CAMK2B: variants seen among roughly 807,000 people sequenced by gnomAD.
CAMK2B encodes the protein calcium/calmodulin dependent protein kinase II beta.
Under a neutral mutation model 93.7 loss-of-function variants are expected in CAMK2B, and 27 were observed. The observed-to-expected ratio is 0.29, with a 90% CI of 0.21 to 0.40. CAMK2B has a LOEUF of 0.40. Among genes scored for constraint, CAMK2B ranks in the 10% least tolerant of loss-of-function variants. The pLI, the probability that CAMK2B is intolerant of heterozygous loss-of-function variation, is 1.00. For synonymous variants in CAMK2B, 374 were observed against 358.8 expected, an observed-to-expected ratio of 1.04 and a Z score of -0.48; for missense variants, 568 against 895.8, an observed-to-expected ratio of 0.63 and a Z score of 4.67.
intron 4 of CAMK2B, among the ~76,000 whole-genome samples, chr7:44,257,054 T>C (rs1239194550): frequency 2.0e-5 from 3 of 152,192 alleles, no homozygotes; most frequent in Non-Finnish European, 2.9e-5. Context: ...TTCTGTCCTC[T>C]GGGCGTGCAG....
rs142254941 is a variant in CAMK2B at position 44,271,835 on chromosome 7, G to A, written c.161-8771C>T. On this transcript the variant is annotated intron_variant, in intron 2 of 23. Coordinates refer to ENST00000395749, the MANE Select transcript of CAMK2B (RefSeq NM_001220.5). This position sits in a 1 kb window ranked among gnomAD's most constrained non-coding sequence, Gnocchi z 4.2. The stretch of plus-strand genomic sequence containing the variant: ...TGAAAGGAGGCCATGGGCAGGTCCC[G>A]GCCATTCCTCCTAAAAGGAAAACTG... 2.1e-4 allele frequency among the ~76,000 whole-genome samples: 32 copies of A among 152,338 alleles called. No individual in the cohort carries two copies. The highest frequency in any genetic ancestry group is 7.0e-4 in the African/African-American group (29 of 41,582).
chr7:44,320,385 G>C (rs894202263), intron 1 of CAMK2B, among the ~76,000 whole-genome samples: 7 of 152,154 alleles, frequency 4.6e-5, no homozygotes, highest in African/African-American at 1.7e-4. Context: ...GCACAGAATA[G>C]AGTAGGGTAA....
intron 2 of CAMK2B, among the ~76,000 whole-genome samples, chr7:44,281,145 C>A (rs1192554899): frequency 6.6e-6 from 1 of 152,252 alleles, no homozygotes; most frequent in African/African-American, 2.4e-5. Flanking sequence ...GAGGCGCTGG[C>A]TTTAACATGA....
At chr7:44,258,138 C>T (rs1743260750) in intron 4 of CAMK2B, among the ~76,000 whole-genome samples, 1 of 152,360 alleles carries the variant, frequency 6.6e-6, no homozygotes, top group East Asian at 1.9e-4. Flanking sequence ...CTAAATCCGG[C>T]AGGAAGTGAG....
Position 44,254,572 on chromosome 7 carries a change from G to A in CAMK2B, c.311C>T (p.Ala104Val). The change falls in exon 5 of 24, where the codon GCG becomes GTG. Residue 104 changes from alanine to valine, a missense_variant. Ala to Val is a moderately conservative substitution (Grantham distance 64). Around this residue, in one of 4 missense-constraint regions of CAMK2B, gnomAD observed 105 missense variants for 372.4 expected, o/e 0.28. Transcript: ENST00000395749. ...ATCAGCCTCGCTGTAGTACTCTCTC[G>A]CCACAATGTCTTCAAAGAGCTCCCC... The part of the protein sequence containing the change: ...TGGELFEDIV[A>V]REYYSEADAS... The A allele has an allele frequency of 1.9e-6, 3 of 1,612,158 alleles. No individual in the cohort carries two copies. Among genetic ancestry groups the A allele is most frequent in the Non-Finnish European group, 2.5e-6 (3 of 1,179,108 alleles).
chr7:44,260,930 C>T (rs182095299), intron 3 of CAMK2B, among the ~76,000 whole-genome samples: 44 of 152,338 alleles, frequency 2.9e-4, no homozygotes, highest in Admixed American at 6.5e-4. Context: ...TCTTACCCAC[C>T]GGGGCTGTCT....
At chr7:44,308,161 G>A (rs1792438445) in intron 1 of CAMK2B, among the ~76,000 whole-genome samples, 1 of 152,212 alleles carries the variant, frequency 6.6e-6, no homozygotes, top group South Asian at 2.1e-4. Flanking sequence ...TTCCCTAACA[G>A]GAATGTGAAC....
chr7:44,316,066 G>C (rs1311322371), intron 1 of CAMK2B, among the ~76,000 whole-genome samples: 1 of 151,942 alleles, frequency 6.6e-6, no homozygotes, highest in Non-Finnish European at 1.5e-5. Flanking sequence ...TTGCCTAATT[G>C]CCCTGGCTAG....
Position 44,226,565 on chromosome 7 carries a change from C to T in CAMK2B, c.1548G>A (p.Gly516=). The T allele has an allele frequency of 6.9e-7, 1 of 1,446,494 alleles. No homozygotes were observed. The highest frequency in any genetic ancestry group is 9.0e-7 in the Non-Finnish European group (1 of 1,108,184). The allele number at this position is 1,446,494 out of a possible 1,614,324, so 89.6% of individuals were successfully genotyped here. A position where few individuals can be genotyped will look rare whatever the true frequency, so the allele number is the denominator to read the frequency against. Residue 516 remains glycine, a synonymous_variant, in exon 20 of 24, where the codon GGG becomes GGA. Transcript: ENST00000395749. The part of the protein sequence containing the change: ...TPEAEGPSPV[G]PPPCPSPTIP... Reference sequence around the variant, plus strand: ...TAGTCGGAGATGGGCAGGGCGGGGGCCCCACTGGCGAGGGGCCCTCGGCTT... The same window carrying T: ...TAGTCGGAGATGGGCAGGGCGGGGGTCCCACTGGCGAGGGGCCCTCGGCTT...
intron 5 of CAMK2B, 98 bp from the exon 6 acceptor site, chr7:44,247,290 A>T: frequency 1.0e-6 from 1 of 974,344 alleles, no homozygotes; most frequent in Non-Finnish European, 1.6e-6. Flanking sequence ...GCCTGGGGGG[A>T]CCAGGGGGAC....
At position 44,226,556 on chromosome 7, in the gene CAMK2B, G is replaced by A. The variant is rs1030861639; in HGVS notation, c.1557C>T (p.Pro519=). 5 of 1,465,336 alleles carry A rather than the reference G, an allele frequency of 3.4e-6. No individual in the cohort carries two copies. The highest frequency in any genetic ancestry group is 3.6e-6 in the Non-Finnish European group (4 of 1,115,624). The allele number at this position is 1,465,336 out of a possible 1,614,324, so 90.8% of individuals were successfully genotyped here. ...AEGPSPVGPP[P]CPSPTIPGPL... ...GGCCAGGGATAGTCGGAGATGGGCA[G>A]GGCGGGGGCCCCACTGGCGAGGGGC... Residue 519 remains proline, a synonymous_variant, in exon 20 of 24, where the codon CCC becomes CCT. Coordinates refer to ENST00000395749, the MANE Select transcript of CAMK2B (RefSeq NM_001220.5).
chr7:44,221,626 G>A (rs1303141019), intron 20 of CAMK2B, among the ~76,000 whole-genome samples: 1 of 152,236 alleles, frequency 6.6e-6, no homozygotes, highest in Non-Finnish European at 1.5e-5. Context: ...CCTGCTTGCA[G>A]TCCGGGGCCC....
intron 4 of CAMK2B, among the ~76,000 whole-genome samples, chr7:44,256,747 G>A (rs528563802): frequency 2.0e-5 from 3 of 152,230 alleles, no homozygotes; most frequent in African/African-American, 7.2e-5. Context: ...CGCTCCAAGG[G>A]GTGCCTCACT....
At chr7:44,302,296 G>A (rs1047851761) in intron 1 of CAMK2B, among the ~76,000 whole-genome samples, 3 of 152,140 alleles carry the variant, frequency 2.0e-5, no homozygotes, top group Non-Finnish European at 2.9e-5. Context: ...GCCCAGATTG[G>A]TTCATTGGTG....
intron 1 of CAMK2B, among the ~76,000 whole-genome samples, chr7:44,293,120 C>T (rs905607911): frequency 6.6e-6 from 1 of 152,204 alleles, no homozygotes; most frequent in African/African-American, 2.4e-5. Context: ...AGGGGCAGCG[C>T]CCTTCCCACC....
chr7:44,303,619 C>A (rs936163101), intron 1 of CAMK2B, among the ~76,000 whole-genome samples: 6 of 152,042 alleles, frequency 3.9e-5, no homozygotes, highest in African/African-American at 1.4e-4. Context: ...GGTCATAGAC[C>A]TAAATGTAAA....
In CAMK2B at chr7:44,311,702, C is replaced by T. The variant is rs1487210915; in HGVS notation, c.65+13655G>A. Among the ~76,000 whole-genome samples, 2 of 152,192 alleles carry T rather than the reference C, an allele frequency of 1.3e-5. No homozygotes were observed. The highest frequency in any genetic ancestry group is 1.9e-4 in the East Asian group (1 of 5,194). ...GAGCTGTGTCATCCTTCACACAGGA[C>T]CCCCACCGCCCCAGCTCTGGGCCTC... On this transcript the variant is annotated intron_variant, in intron 1 of 23. Coordinates refer to ENST00000395749, the MANE Select transcript of CAMK2B (RefSeq NM_001220.5). This position sits in a 1 kb window ranked among gnomAD's most constrained non-coding sequence, Gnocchi z 4.2.
chr7:44,222,837 G>A (rs1339757231), intron 20 of CAMK2B, among the ~76,000 whole-genome samples: 1 of 92 alleles, frequency 0.011, no homozygotes, highest in African/African-American at 0.05. Flanking sequence ...AGCCCACCTG[G>A]CAGGTGACTG....
chr7:44,293,644 C>T (rs907614956), intron 1 of CAMK2B, among the ~76,000 whole-genome samples: 1 of 152,192 alleles, frequency 6.6e-6, no homozygotes, highest in African/African-American at 2.4e-5. Context: ...GTTAGATTAT[C>T]TTAAGGAGCG....
Sources: allele counts gnomAD v4.1 joint callset (sites outside exome capture counted in the v4.1 genomes callset), GRCh38; gene constraint gnomAD v4.1.1; regional missense constraint gnomAD v4.1.1; non-coding constraint Gnocchi (gnomAD v3.1); transcripts MANE v1.5; gene names NCBI Gene and HGNC (gene_info 2026-07-23, HGNC 2026-07-21).